The following MTHFD1L variants were observed in gnomAD, a reference collection of about 807,000 sequenced individuals.
The protein encoded by MTHFD1L is monofunctional C1-tetrahydrofolate synthase, mitochondrial.
MTHFD1L carries 81 observed loss-of-function variants against 119.5 expected under a neutral mutation model. The ratio of observed to expected loss-of-function variants is 0.68; its 90% CI spans 0.57 to 0.82. The LOEUF is 0.82. Among genes scored for constraint, MTHFD1L ranks in the 40% least tolerant of loss-of-function variants. The probability of loss-of-function intolerance (pLI) is 0.00; values close to 1 mark genes in which losing one functional copy is unlikely to be tolerated. For synonymous variants in MTHFD1L, 430 were observed against 475.2 expected, an observed-to-expected ratio of 0.90 and a Z score of 1.24; for missense variants, 1,125 against 1,253.4, an observed-to-expected ratio of 0.90 and a Z score of 1.55.
At chr6:151,019,963 C>T (rs56176611) in intron 24 of MTHFD1L, among the ~76,000 whole-genome samples, 34,864 of 152,146 alleles carry the variant, frequency 0.23, 4,323 homozygotes, top group Middle Eastern at 0.3. Flanking sequence ...ACCCCACACC[C>T]TCACAACCAA....
chr6:151,042,113 G>A, intron 26 of MTHFD1L: 1 of 244,016 alleles, frequency 4.1e-6, no homozygotes, highest in African/African-American at 2.3e-5. Context: ...TGTTGTAACT[G>A]AAGCCCCCAG....
chr6:150,916,015 T>C (rs1402035814), intron 8 of MTHFD1L, among the ~76,000 whole-genome samples: 2 of 152,168 alleles, frequency 1.3e-5, no homozygotes. Flanking sequence ...AACAATTCTC[T>C]CTCATCCTCT....
chr6:151,013,692 G>T, intron 21 of MTHFD1L, 87 bp from the exon 22 acceptor site: 1 of 1,218,640 alleles, frequency 8.2e-7, no homozygotes. Flanking sequence ...TCTAAAAATT[G>T]AATGTGATTA....
intron 11 of MTHFD1L, chr6:150,935,139 A>G (rs1264252917): frequency 6.2e-7 from 1 of 1,613,520 alleles, no homozygotes; most frequent in African/African-American, 1.3e-5. Flanking sequence ...AACACTGAGA[A>G]AATTAAGGTA....
At chr6:150,932,892 A>AAGGG in intron 11 of MTHFD1L, among the ~76,000 whole-genome samples, 1 of 150,706 alleles carries the variant, frequency 6.6e-6, no homozygotes, top group African/African-American at 2.4e-5. Flanking sequence ...GGAAGGAAGG[A>AAGGG]AGGAAAAGAG....
rs538945201 is a variant in MTHFD1L, at chr6:150,903,142, C to G, written c.781-2508C>G. ...ATTACCTGGAACTCTAGCTGTTTTT[C>G]AGATCTGTAGAGATCATAGGTGGCT... is the stretch of plus-strand genomic sequence containing the variant. On this transcript the variant is annotated intron_variant, in intron 7 of 27. Transcript: ENST00000367321. 8.8e-5 allele frequency among the ~76,000 whole-genome samples: 13 copies of G among 147,064 alleles called. No homozygotes were observed. In the South Asian group the frequency reaches 2.9e-3, roughly 32 times the overall value.
intron 20 of MTHFD1L, among the ~76,000 whole-genome samples, chr6:151,006,558 G>T (rs1194717027): frequency 6.6e-6 from 1 of 152,128 alleles, no homozygotes; most frequent in Non-Finnish European, 1.5e-5. Context: ...CATTGAAGGG[G>T]GGAGGAGCTA....
intron 1 of MTHFD1L, among the ~76,000 whole-genome samples, chr6:150,873,412 T>G (rs574285332): frequency 3.5e-4 from 53 of 152,108 alleles, no homozygotes; most frequent in Non-Finnish European, 7.1e-4. Context: ...ATGTTTTTAG[T>G]GTTTAAGGGT....
rs1254472921 is a variant in MTHFD1L at position 150,955,912 on chromosome 6, C to A, written c.1727-83C>A. The A allele has an allele frequency of 1.1e-5, 13 of 1,219,962 alleles. No individual in the cohort carries two copies. In the East Asian group the frequency reaches 3.0e-4, roughly 29 times the overall value. The allele number at this position is 1,219,962 out of a possible 1,614,324, so 75.6% of individuals were successfully genotyped here. On this transcript the variant is annotated intron_variant, in intron 16 of 27. Transcript: ENST00000367321. ...TTTTCTCTTTCACCCTCTGCAACTTCCTGAGCATCAGAACAATGCCAGACA... is the reference window on the plus strand; with the variant it reads ...TTTTCTCTTTCACCCTCTGCAACTTACTGAGCATCAGAACAATGCCAGACA...
At chr6:151,062,211 C>T (rs1004281674) in intron 26 of MTHFD1L, among the ~76,000 whole-genome samples, 6 of 152,128 alleles carry the variant, frequency 3.9e-5, no homozygotes, top group Non-Finnish European at 7.4e-5. Context: ...CCGAGGCGAG[C>T]GGATCACGAG....
At chr6:150,883,899 C>T (rs1384568294) in intron 5 of MTHFD1L, among the ~76,000 whole-genome samples, 1 of 152,118 alleles carries the variant, frequency 6.6e-6, no homozygotes, top group East Asian at 1.9e-4. Context: ...GTAGACCCTG[C>T]AGGGGCTGGA....
intron 24 of MTHFD1L, among the ~76,000 whole-genome samples, chr6:151,025,576 T>C (rs1346082176): frequency 2.0e-5 from 3 of 152,246 alleles, no homozygotes; most frequent in Non-Finnish European, 4.4e-5. Context: ...CGGAAATGTC[T>C]ATTCAACTTA....
chr6:151,036,448 C>G (rs1012956932), intron 25 of MTHFD1L, among the ~76,000 whole-genome samples: 8 of 152,184 alleles, frequency 5.3e-5, no homozygotes, highest in Non-Finnish European at 8.8e-5. Flanking sequence ...TCCTTAAAAA[C>G]AAGAAGCTTA....
intron 27 of MTHFD1L, among the ~76,000 whole-genome samples, chr6:151,099,370 T>G (rs1795161609): frequency 6.6e-6 from 1 of 150,860 alleles, no homozygotes. Flanking sequence ...CTAGCACCCC[T>G]CCTGTCCCAA....
rs370245478 is a variant in MTHFD1L at position 151,043,334 on chromosome 6, G to A, written c.2847+6217G>A. 7.7e-5 allele frequency among the ~76,000 whole-genome samples: 10 copies of A among 129,760 alleles called. No individual in the cohort carries two copies. The East Asian group carries it at 1.0e-3, about 13-fold the overall frequency. The allele number at this position is 129,760 out of a possible 152,430, so 85.1% of individuals were successfully genotyped here. A position where few individuals can be genotyped will look rare whatever the true frequency, so the allele number is the denominator to read the frequency against. On this transcript the variant is annotated intron_variant, in intron 26 of 27. Coordinates refer to ENST00000367321, the MANE Select transcript of MTHFD1L (RefSeq NM_015440.5). ...GGCTGGAGTGCAGTAGCATGATCTC[G>A]GCTCACTGCAACCTCCGCCTTCCAG...
At chr6:150,932,848 G>GGA (rs1562405210) in intron 11 of MTHFD1L, among the ~76,000 whole-genome samples, 3 of 106,132 alleles carry the variant, frequency 2.8e-5, no homozygotes, top group African/African-American at 1.5e-4. Context: ...GGAAGGGAGA[G>GGA]AGAGTAATTA....
chr6:151,042,577 T>C (rs1018536165), intron 26 of MTHFD1L, among the ~76,000 whole-genome samples: 2 of 152,174 alleles, frequency 1.3e-5, no homozygotes, highest in African/African-American at 4.8e-5. Flanking sequence ...CAAAAATAAT[T>C]TAGTAGTAGG....
intron 23 of MTHFD1L, among the ~76,000 whole-genome samples, chr6:151,015,264 G>T (rs1782879209): frequency 7.6e-6 from 1 of 132,440 alleles, no homozygotes; most frequent in African/African-American, 3.0e-5. Context: ...AACAAACTGT[G>T]AATGATCAAA....
chr6:150,945,093 A>T (rs1376833249), intron 14 of MTHFD1L, among the ~76,000 whole-genome samples: 1 of 152,256 alleles, frequency 6.6e-6, no homozygotes, highest in South Asian at 2.1e-4. Flanking sequence ...TCACAGATAT[A>T]GGACATAGAT....
Sources: gnomAD v4.1 joint callset for allele counts (sites outside exome capture counted in the v4.1 genomes callset) on GRCh38, gnomAD v4.1.1 for gene constraint, MANE v1.5 for transcripts, NCBI Gene and HGNC (gene_info 2026-07-23, HGNC 2026-07-21) for gene names.